Variants in TAFA4 observed in about 807,000 individuals in gnomAD.
TAFA4 encodes the protein TAFA chemokine like family member 4, also known as chemokine-like protein TAFA-4.
TAFA4 carries 20 observed loss-of-function variants against 21.1 expected under a neutral mutation model. That is an observed-to-expected ratio of 0.95 (90% CI 0.67 to 1.38). The LOEUF (loss-of-function observed/expected upper bound fraction) is 1.38, where lower values mean the gene tolerates loss of function less well. TAFA4 is among the 40% of genes most tolerant of loss of function. The pLI, the probability that TAFA4 is intolerant of heterozygous loss-of-function variation, is 0.00. For synonymous variants in TAFA4, 71 were observed against 67.4 expected (o/e 1.05, Z -0.26); for missense variants, 211 against 180.9 (o/e 1.17, Z -0.95).
chr3:68,769,828 AG>A (rs1174218779), intron 3 of TAFA4, among the ~76,000 whole-genome samples: 7 of 152,214 alleles, frequency 4.6e-5, no homozygotes, highest in African/African-American at 1.7e-4. Context: ...AAGCTCTATA[AG>A]GGCAGGGAAC....
chr3:68,805,341 T>G (rs1035974878), intron 3 of TAFA4, among the ~76,000 whole-genome samples: 3 of 152,114 alleles, frequency 2.0e-5, no homozygotes, highest in Admixed American at 2.0e-4. Context: ...TAGGAACACT[T>G]TTACACTGTT....
At chr3:68,918,551 T>G (rs1182467331) in intron 1 of TAFA4, among the ~76,000 whole-genome samples, 1 of 152,240 alleles carries the variant, frequency 6.6e-6, no homozygotes, top group Non-Finnish European at 1.5e-5. Flanking sequence ...GATTTTTATT[T>G]GCTCGAGACA....
chr3:68,764,062 T>C (rs995554148), intron 3 of TAFA4, among the ~76,000 whole-genome samples: 1 of 152,176 alleles, frequency 6.6e-6, no homozygotes, highest in Non-Finnish European at 1.5e-5. Flanking sequence ...CGGTACTGAA[T>C]TTGTCCCCTA....
chr3:68,892,812 AG>A (rs1282893874), intron 1 of TAFA4, among the ~76,000 whole-genome samples: 2 of 152,238 alleles, frequency 1.3e-5, no homozygotes, highest in Non-Finnish European at 2.9e-5. Flanking sequence ...CTAGCCTTCA[AG>A]TGACCGTGAA....
chr3:68,894,710 A>G (rs1018763362), intron 1 of TAFA4, among the ~76,000 whole-genome samples: 3 of 152,228 alleles, frequency 2.0e-5, no homozygotes, highest in African/African-American at 7.2e-5. Flanking sequence ...ATGAAAAAGA[A>G]TACTTTAACC....
intron 3 of TAFA4, among the ~76,000 whole-genome samples, chr3:68,863,389 T>C (rs1489225850): frequency 2.6e-5 from 4 of 152,172 alleles, no homozygotes; most frequent in African/African-American, 9.7e-5. Context: ...TATTTGTATT[T>C]TTTCCATCAA....
chr3:68,798,963 ATC>A (rs1703512356), intron 3 of TAFA4, among the ~76,000 whole-genome samples: 1 of 152,210 alleles, frequency 6.6e-6, no homozygotes, highest in African/African-American at 2.4e-5. Flanking sequence ...GGAAACTGCA[ATC>A]TGTTTTATTG....
At chr3:68,763,957 A>G (rs1702803421) in intron 3 of TAFA4, among the ~76,000 whole-genome samples, 3 of 152,020 alleles carry the variant, frequency 2.0e-5, no homozygotes, top group African/African-American at 7.2e-5. Context: ...AATAAATAAC[A>G]TATACTTTCA....
At chr3:68,853,815 T>A (rs554858559) in intron 3 of TAFA4, among the ~76,000 whole-genome samples, 19 of 152,298 alleles carry the variant, frequency 1.2e-4, no homozygotes, top group South Asian at 2.1e-4. Context: ...GCTGTTCAAC[T>A]GCTGTGTCTC....
intron 4 of TAFA4, 104 bp from the exon 5 acceptor site, chr3:68,739,303 A>G (rs1575590107): frequency 2.2e-6 from 3 of 1,358,830 alleles, no homozygotes; most frequent in East Asian, 4.7e-5. Context: ...AAAGATTGCT[A>G]TTAAATTTAC....
intron 3 of TAFA4, among the ~76,000 whole-genome samples, chr3:68,803,280 T>C (rs553407478): frequency 1.3e-5 from 2 of 152,336 alleles, no homozygotes; most frequent in South Asian, 2.1e-4. Context: ...TTCCTCTTTC[T>C]TTGTGTTTCT....
intron 3 of TAFA4, among the ~76,000 whole-genome samples, chr3:68,828,484 C>T (rs752439951): frequency 5.3e-5 from 8 of 152,162 alleles, no homozygotes; most frequent in Non-Finnish European, 1.0e-4. Flanking sequence ...GCCATTTCCA[C>T]GATAAGGATT....
At chr3:68,813,080 G>A (rs1703877962) in intron 3 of TAFA4, among the ~76,000 whole-genome samples, 1 of 152,024 alleles carries the variant, frequency 6.6e-6, no homozygotes, top group Non-Finnish European at 1.5e-5. Context: ...TGACTACTGG[G>A]TACATAACGA....
chr3:68,919,940 C>T (rs1367321288), intron 1 of TAFA4, among the ~76,000 whole-genome samples: 3 of 152,190 alleles, frequency 2.0e-5, no homozygotes, highest in Non-Finnish European at 4.4e-5. Context: ...GGCAATTACA[C>T]TTCTACCCTA....
At chr3:68,891,392 T>C (rs1357633761) in intron 1 of TAFA4, among the ~76,000 whole-genome samples, 3 of 152,110 alleles carry the variant, frequency 2.0e-5, no homozygotes, top group Non-Finnish European at 4.4e-5. Context: ...CAGGGAAACC[T>C]CCAAGCCCAT....
chr3:68,786,684 A>G (rs1336667346), intron 3 of TAFA4, among the ~76,000 whole-genome samples: 1 of 152,226 alleles, frequency 6.6e-6, no homozygotes, highest in East Asian at 1.9e-4. Flanking sequence ...GGTAATTGTG[A>G]ATACCAAATG....
chr3:68,906,179 T>A (rs1234251434), intron 1 of TAFA4, among the ~76,000 whole-genome samples: 1 of 152,226 alleles, frequency 6.6e-6, no homozygotes, highest in African/African-American at 2.4e-5. Context: ...CAAGTGTCGT[T>A]CCTCAAAATG....
At chr3:68,814,047 TA>T (rs1219906544) in intron 3 of TAFA4, among the ~76,000 whole-genome samples, 1 of 152,058 alleles carries the variant, frequency 6.6e-6, no homozygotes, top group Non-Finnish European at 1.5e-5. Flanking sequence ...AGCATATAAA[TA>T]GAACCAAAGA....
Position 68,885,176 on chromosome 3 carries a change from T to A in TAFA4, c.13A>T (p.Arg5Trp). 1 of 1,612,912 alleles carries A rather than the reference T, an allele frequency of 6.2e-7. No individual in the cohort carries two copies. The highest frequency in any genetic ancestry group is 8.5e-7 in the Non-Finnish European group (1 of 1,179,500). MRSP[R>W]MRVCAKSVLL... is the part of the protein sequence containing the mutation. ...AGGTGAACGTTAAAATAATCTTACC[T>A]TGGGGACCTCATAAGATGTGGTTCT... Residue 5 changes from arginine (R) to tryptophan (W), a missense_variant and splice_region_variant, in exon 2 of 6, where the codon AGG (arginine) becomes TGG (tryptophan). Arg to Trp is a moderately radical substitution (Grantham distance 101, BLOSUM62 -3). Transcript: ENST00000295569.
Sources: gnomAD v4.1 joint callset for allele counts (sites outside exome capture counted in the v4.1 genomes callset) on GRCh38, gnomAD v4.1.1 for gene constraint, MANE v1.5 for transcripts, NCBI Gene and HGNC (gene_info 2026-07-23, HGNC 2026-07-21) for gene names.